CFAP54: variants seen among roughly 807,000 people sequenced by gnomAD.
The protein encoded by CFAP54 is cilia and flagella associated protein 54, also known as cilia- and flagella-associated protein 54.
CFAP54 carries 290 observed loss-of-function variants against 370.4 expected under a neutral mutation model. That is an observed-to-expected ratio of 0.78 (90% confidence interval 0.71 to 0.86). The LOEUF (loss-of-function observed/expected upper bound fraction) is 0.86. Among genes scored for constraint, CFAP54 ranks in the 40% least tolerant of loss-of-function variants. The pLI is 0.00. For missense variants in CFAP54, 3,399 were observed against 3,528.7 expected, an observed-to-expected ratio of 0.96 and a Z score of 0.93; for synonymous variants, 1,206 against 1,236.5, an observed-to-expected ratio of 0.98 and a Z score of 0.52.
chr12:96,539,699 A>G (rs886236730), intron 13 of CFAP54, among the ~76,000 whole-genome samples: 29 of 152,066 alleles, frequency 1.9e-4, no homozygotes, highest in Admixed American at 7.9e-4. Flanking sequence ...AAAATAAAAA[A>G]TAAATATAAT....
intron 60 of CFAP54, among the ~76,000 whole-genome samples, chr12:96,778,186 T>C (rs1958541185): frequency 6.6e-6 from 1 of 152,246 alleles, no homozygotes; most frequent in Non-Finnish European, 1.5e-5. Context: ...TTTCATTGGC[T>C]AAATTTTTTT....
At chr12:96,722,884 G>A (rs1957774790) in intron 50 of CFAP54, among the ~76,000 whole-genome samples, 1 of 152,098 alleles carries the variant, frequency 6.6e-6, no homozygotes, top group African/African-American at 2.4e-5. Context: ...AAAAGAAGTG[G>A]TCATTAACTG....
intron 66 of CFAP54, among the ~76,000 whole-genome samples, chr12:96,859,393 G>C (rs113597373): frequency 4.8e-3 from 284 of 59,576 alleles, no homozygotes; most frequent in Non-Finnish European, 8.6e-3. Flanking sequence ...TGCACTTTTT[G>C]TTTGTTTGTT....
chr12:96,527,258 C>G lies in CFAP54; in HGVS notation c.1171C>G (p.Arg391Gly). ...LREVQTLSWP[R>G]TVTERLLDEM... ...TTCTCAATTTCAGTTATCATGGCCA[C>G]GAACTGTCACAGAGCGGCTACTGGA... The change falls in exon 9 of 68, where the codon CGA becomes GGA. Residue 391 changes from arginine (R) to glycine (G), a missense_variant. Around this residue, in one of 3 missense-constraint regions of CFAP54, gnomAD observed 559 missense variants for 576.7 expected, o/e 0.97. Coordinates refer to ENST00000524981, the MANE Select transcript of CFAP54 (RefSeq NM_001306084.2). The G allele has an allele frequency of 6.6e-7, 1 of 1,511,790 alleles. No individual in the cohort carries two copies. The highest frequency in any genetic ancestry group is 8.8e-7 in the Non-Finnish European group (1 of 1,136,448). 93.6% of individuals were successfully genotyped at this position (1,511,790 alleles called of 1,614,324 possible).
rs1957920491 is a variant in CFAP54, at chr12:96,731,709, G to A, written c.6966-8247G>A. On this transcript the variant is annotated intron_variant, in intron 50 of 67. Transcript: ENST00000524981. ...TTTTAAAAATATTGTATAATAAAAT[G>A]CTTCAATATTTGGGGGAGCTCTATA... is the stretch of plus-strand genomic sequence containing the variant. Among the ~76,000 whole-genome samples the A allele has an allele frequency of 2.0e-5, 3 of 152,158 alleles. No homozygotes were observed. The South Asian group carries it at 6.2e-4, about 32-fold the overall frequency.
At chr12:96,795,250 A>G (rs1958749139) in intron 63 of CFAP54, among the ~76,000 whole-genome samples, 1 of 152,160 alleles carries the variant, frequency 6.6e-6, no homozygotes, top group Non-Finnish European at 1.5e-5. Context: ...TCAAGAGAGC[A>G]TCAGCTGATA....
At chr12:96,719,635 C>T (rs1029771291) in intron 49 of CFAP54, among the ~76,000 whole-genome samples, 1 of 152,206 alleles carries the variant, frequency 6.6e-6, no homozygotes, top group East Asian at 1.9e-4. Context: ...GTTGGCTATT[C>T]GTGAACACAC....
Position 96,589,537 on chromosome 12 carries a change from C to A in CFAP54, c.3186C>A (p.Ser1062Arg). ...LQDEQSVICL[S>R]NIITITQRRL... The stretch of plus-strand genomic sequence containing the variant: ...ATGAACAATCTGTTATTTGTTTAAG[C>A]AATATAATTACTATTACACAAAGAA... The change falls in exon 23 of 68, where the codon AGC becomes AGA. Residue 1062 changes from serine to arginine, a missense_variant. By Grantham distance (110) the Ser-to-Arg change is moderately radical. Around this residue, in one of 3 missense-constraint regions of CFAP54, gnomAD observed 2,796 missense variants for 2,869.7 expected, o/e 0.97. Coordinates refer to ENST00000524981, the MANE Select transcript of CFAP54 (RefSeq NM_001306084.2). The A allele has an allele frequency of 1.4e-6, 2 of 1,467,686 alleles. No individual in the cohort carries two copies. Among genetic ancestry groups the A allele is most frequent in the Non-Finnish European group, 9.2e-7 (1 of 1,085,544 alleles). 90.9% of individuals were successfully genotyped at this position (1,467,686 alleles called of 1,614,324 possible).
chr12:96,790,705 C>G (rs1958682530), intron 62 of CFAP54, among the ~76,000 whole-genome samples: 1 of 151,816 alleles, frequency 6.6e-6, no homozygotes, highest in Non-Finnish European at 1.5e-5. Flanking sequence ...TAAAATTATT[C>G]TTAATTAAGC....
At position 96,826,434 on chromosome 12, in the gene CFAP54, T is replaced by C. The variant is rs550223865; in HGVS notation, c.9097-2580T>C. 4.8e-5 allele frequency among the ~76,000 whole-genome samples: 6 copies of C among 125,852 alleles called. No individual in the cohort carries two copies. The South Asian group carries it at 1.4e-3, about 29-fold the overall frequency. The allele number at this position is 125,852 out of a possible 152,430, so 82.6% of individuals were successfully genotyped here. On this transcript the variant is annotated intron_variant, in intron 65 of 67. Transcript: ENST00000524981. ...TAACAAACATATATAATATATAATA[T>C]ATATTATATACCATATATGTTATTT...
intron 35 of CFAP54, 30 bp from the exon 36 acceptor site, chr12:96,651,558 G>C (rs1956857577): frequency 6.4e-7 from 1 of 1,572,246 alleles, no homozygotes; most frequent in Non-Finnish European, 8.7e-7. Context: ...TTGGAACTTT[G>C]GGATCTTTTA....
chr12:96,795,949 A>G (rs1958756731), intron 63 of CFAP54, among the ~76,000 whole-genome samples: 1 of 152,142 alleles, frequency 6.6e-6, no homozygotes, highest in Admixed American at 6.5e-5. Flanking sequence ...GGGGACTGAG[A>G]GTGCCCACAG....
Position 96,708,693 on chromosome 12 carries a change from T to C in CFAP54, c.6614T>C (p.Val2205Ala), listed in dbSNP as rs1957572667. The change falls in exon 48 of 68, where the codon GTT becomes GCT. Residue 2205 changes from valine (V) to alanine (A), a missense_variant. By Grantham distance (64) the Val-to-Ala change is moderately conservative. Coordinates refer to ENST00000524981, the MANE Select transcript of CFAP54 (RefSeq NM_001306084.2). ...CATCTCTTAAATAAGTTTAATTTTG[T>C]TAAAGCATACTTTTTCCTAAGTGTG... is the stretch of plus-strand genomic sequence containing the variant. Reference protein sequence around the residue: ...QPHLLNKFNFVKAYFFLSVAA... With the variant: ...QPHLLNKFNFAKAYFFLSVAA... 2 of 1,612,372 alleles carry C rather than the reference T, an allele frequency of 1.2e-6. No individual in the cohort carries two copies. The highest frequency in any genetic ancestry group is 1.7e-6 in the Non-Finnish European group (2 of 1,179,486).
chr12:96,665,380 G>A (rs1052571083), intron 39 of CFAP54, among the ~76,000 whole-genome samples: 5 of 151,948 alleles, frequency 3.3e-5, no homozygotes, highest in East Asian at 1.9e-4. Flanking sequence ...CATCTTCATC[G>A]TGAAATCTTT....
At chr12:96,802,883 G>A (rs1376580700) in intron 63 of CFAP54, among the ~76,000 whole-genome samples, 1 of 152,018 alleles carries the variant, frequency 6.6e-6, no homozygotes, top group African/African-American at 2.4e-5. Flanking sequence ...CTGTGTCCAT[G>A]TGTTCTCATT....
intron 9 of CFAP54, among the ~76,000 whole-genome samples, chr12:96,530,918 C>T (rs1484099136): frequency 4.2e-4 from 64 of 152,270 alleles, no homozygotes; most frequent in Non-Finnish European, 5.9e-5. Flanking sequence ...TTGCATTTCC[C>T]TAATGGCTAA....
In CFAP54 at chr12:96,671,903, C is replaced by T. The variant is rs199669949; in HGVS notation, c.5564-7697C>T. Among the ~76,000 whole-genome samples the T allele has an allele frequency of 8.2e-5, 12 of 145,930 alleles. No individual in the cohort carries two copies. In the East Asian group the frequency reaches 2.0e-3, roughly 24 times the overall value. On this transcript the variant is annotated intron_variant, in intron 39 of 67. Transcript: ENST00000524981. ...TGCCATTGCACTCCAGCCTGCATGA[C>T]AAGAGTGAAACTCTTATCTCAAAAA... is the stretch of plus-strand genomic sequence containing the variant.
chr12:96,530,494 CA>C (rs1042430607), intron 9 of CFAP54, among the ~76,000 whole-genome samples: 15 of 151,942 alleles, frequency 9.9e-5, no homozygotes, highest in Admixed American at 6.6e-5. Context: ...GACTCTGTCT[CA>C]AAAAAAATTT....
intron 47 of CFAP54, among the ~76,000 whole-genome samples, 192 bp downstream of exon 47, chr12:96,704,988 T>A (rs1957532271): frequency 6.6e-6 from 1 of 152,174 alleles, no homozygotes; most frequent in South Asian, 2.1e-4. Flanking sequence ...TTCCTGTCAC[T>A]AATGGAATGA....
Sources: allele counts gnomAD v4.1 joint callset (sites outside exome capture counted in the v4.1 genomes callset), GRCh38; gene constraint gnomAD v4.1.1; regional missense constraint gnomAD v4.1.1; transcripts MANE v1.5; gene names NCBI Gene and HGNC (gene_info 2026-07-23, HGNC 2026-07-21).